TNR: variants seen among roughly 807,000 people sequenced by gnomAD.
TNR encodes the protein tenascin-R.
TNR carries 45 observed loss-of-function variants against 150.4 expected under a neutral mutation model. The ratio of observed to expected loss-of-function variants is 0.30; its 90% CI spans 0.24 to 0.38. The LOEUF is 0.38. Among genes scored for constraint, TNR ranks in the 10% least tolerant of loss-of-function variants. The pLI, the probability that TNR is intolerant of heterozygous loss-of-function variation, is 1.00. For missense variants in TNR, 1,544 were observed against 1,759.1 expected (o/e 0.88, Z 2.19); for synonymous variants, 687 against 678.4 (o/e 1.01, Z -0.20).
chr1:175,443,172 G>C (rs1169490127), intron 2 of TNR, among the ~76,000 whole-genome samples: 1 of 152,116 alleles, frequency 6.6e-6, no homozygotes, highest in Admixed American at 6.5e-5. Flanking sequence ...TAATAAAAAT[G>C]TCTTTACTTT....
chr1:175,521,042 C>T (rs979091675), intron 2 of TNR, among the ~76,000 whole-genome samples: 6 of 152,050 alleles, frequency 3.9e-5, no homozygotes, highest in Non-Finnish European at 5.9e-5. Flanking sequence ...CTGGCAGAAC[C>T]GGTGTTACTC....
intron 2 of TNR, among the ~76,000 whole-genome samples, chr1:175,430,254 G>T (rs1655204233): frequency 6.6e-6 from 1 of 152,046 alleles, no homozygotes; most frequent in Non-Finnish European, 1.5e-5. Flanking sequence ...GCCTGAGGAA[G>T]TTAAATAATG....
chr1:175,603,428 T>C lies in TNR; in HGVS notation c.-164-75059A>G, dbSNP rs530448291. On this transcript the variant is annotated intron_variant, in intron 1 of 22. Coordinates refer to ENST00000367674, the MANE Select transcript of TNR (RefSeq NM_003285.3). ...GGCCTGAATCATTAATAGAGAAATTTTTTCAAGTTGCGAGGGGACTAATCC... is the reference window on the plus strand; with the variant it reads ...GGCCTGAATCATTAATAGAGAAATTCTTTCAAGTTGCGAGGGGACTAATCC... Among the ~76,000 whole-genome samples the C allele has an allele frequency of 2.6e-5, 4 of 152,334 alleles. No homozygotes were observed. The South Asian group carries it at 6.2e-4, about 24-fold the overall frequency.
rs766628562 is a variant in TNR, at chr1:175,362,712, G to A, written c.2805C>T (p.Ser935=). The A allele has an allele frequency of 4.5e-5, 72 of 1,614,112 alleles. 1 individual carries two copies. In the South Asian group the frequency reaches 4.8e-4, roughly 11 times the overall value. Residue 935 remains serine, a synonymous_variant, in exon 14 of 23, where the codon AGC becomes AGT. Coordinates refer to ENST00000367674, the MANE Select transcript of TNR (RefSeq NM_003285.3). ...GCTCGCTTTCCTCCCTGCCCCGCAC[G>A]CTGTTGAGGCTGATTTCGTATTCGG... ...PATEYEISLN[S]VRGREESERI...
intron 21 of TNR, among the ~76,000 whole-genome samples, chr1:175,328,396 C>T (rs1649533302): frequency 7.9e-5 from 12 of 152,088 alleles, no homozygotes; most frequent in Admixed American, 6.5e-4. Context: ...GAACTTGGAT[C>T]GGAGGCCCTG....
At chr1:175,416,056 G>T (rs1272461448) in intron 2 of TNR, among the ~76,000 whole-genome samples, 3 of 152,042 alleles carry the variant, frequency 2.0e-5, no homozygotes, top group Non-Finnish European at 4.4e-5. Flanking sequence ...ATTTAAGTGA[G>T]AATTTATTTG....
intron 2 of TNR, among the ~76,000 whole-genome samples, chr1:175,492,753 C>G (rs2102141058): frequency 6.6e-6 from 1 of 152,098 alleles, no homozygotes; most frequent in East Asian, 1.9e-4. Flanking sequence ...AGGGATGCAA[C>G]AAGAGAGATG....
intron 1 of TNR, among the ~76,000 whole-genome samples, chr1:175,728,715 T>G (rs1667545640): frequency 1.3e-5 from 2 of 152,192 alleles, no homozygotes; most frequent in Admixed American, 1.3e-4. Context: ...TGCAATCAGA[T>G]TTTAATAGGC....
chr1:175,445,436 A>T (rs1450405710), intron 2 of TNR, among the ~76,000 whole-genome samples: 1 of 152,178 alleles, frequency 6.6e-6, no homozygotes, highest in Non-Finnish European at 1.5e-5. Context: ...AAACCTGTTC[A>T]AGGATTTTTT....
At chr1:175,393,723 C>T (rs1653287822) in intron 6 of TNR, 57 bp downstream of exon 6, 1 of 1,416,896 alleles carries the variant, frequency 7.1e-7, no homozygotes, top group South Asian at 1.2e-5. Context: ...TGATTCCAAG[C>T]TAAAGGTACA....
chr1:175,521,615 T>A (rs374052801), intron 2 of TNR, among the ~76,000 whole-genome samples: 1 of 152,260 alleles, frequency 6.6e-6, no homozygotes. Context: ...AAACCTTTTC[T>A]GTTTTCTCTT....
intron 1 of TNR, among the ~76,000 whole-genome samples, chr1:175,615,108 C>T (rs1237657208): frequency 1.3e-5 from 2 of 152,090 alleles, no homozygotes; most frequent in South Asian, 2.1e-4. Context: ...GGAGATAAAT[C>T]GAGGGTGGAC....
chr1:175,607,592 C>G (rs1418821636), intron 1 of TNR, among the ~76,000 whole-genome samples: 1 of 152,222 alleles, frequency 6.6e-6, no homozygotes, highest in South Asian at 2.1e-4. Context: ...CAAGGACATA[C>G]TCCTCATCTG....
intron 1 of TNR, among the ~76,000 whole-genome samples, chr1:175,650,282 C>A (rs1020981436): frequency 2.0e-5 from 3 of 152,050 alleles, no homozygotes; most frequent in African/African-American, 7.3e-5. Flanking sequence ...ACTTGGGAGG[C>A]TGAGGCACGA....
In TNR at chr1:175,318,727, A is replaced by C. The variant is rs976597454; in HGVS notation, c.*4630T>G. On this transcript the variant is annotated 3_prime_UTR_variant, in exon 23 of 23. Coordinates refer to ENST00000367674, the MANE Select transcript of TNR (RefSeq NM_003285.3). ...CAGCCTGTAACTCAGCTTTCTTTAG[A>C]GGATAGACCCTCTCTGTCATGGTAA... The C allele has an allele frequency of 6.6e-6, 1 of 152,164 alleles. No homozygotes were observed. The highest frequency in any genetic ancestry group is 6.5e-5 in the Admixed American group (1 of 15,276). The allele number at this position is 152,164 out of a possible 1,614,324, so 9.4% of individuals were successfully genotyped here.
chr1:175,617,739 G>C (rs2861314), intron 1 of TNR, among the ~76,000 whole-genome samples: 75,741 of 152,100 alleles, frequency 0.5, 20,756 homozygotes, highest in African/African-American at 0.75. Flanking sequence ...CTTTCTTTCA[G>C]TATCAAAGAA....
chr1:175,729,036 C>G (rs955911702), intron 1 of TNR, among the ~76,000 whole-genome samples: 8 of 152,142 alleles, frequency 5.3e-5, no homozygotes, highest in Admixed American at 5.2e-4. Context: ...ACTGCAAGGG[C>G]CTGAGACACA....
intron 1 of TNR, among the ~76,000 whole-genome samples, chr1:175,661,756 T>G (rs1253185851): frequency 6.6e-6 from 1 of 150,904 alleles, no homozygotes; most frequent in Non-Finnish European, 1.5e-5. Flanking sequence ...CCTCTTTATT[T>G]CCTCCCCCTC....
intron 1 of TNR, among the ~76,000 whole-genome samples, chr1:175,602,737 G>A (rs1663287631): frequency 6.6e-6 from 1 of 152,174 alleles, no homozygotes; most frequent in East Asian, 1.9e-4. Flanking sequence ...TTATTAGAAG[G>A]AGGAAGAAGT....
Sources: gnomAD v4.1 joint callset for allele counts (sites outside exome capture counted in the v4.1 genomes callset) on GRCh38, gnomAD v4.1.1 for gene constraint, MANE v1.5 for transcripts, NCBI Gene and HGNC (gene_info 2026-07-23, HGNC 2026-07-21) for gene names.